Variants in ADRA1B observed in about 807,000 individuals in gnomAD.
ADRA1B encodes adrenoceptor alpha 1B.
In ADRA1B, 17 loss-of-function variants were observed where a neutral mutation model predicts 17.9. That is an observed-to-expected ratio of 0.95 (90% CI 0.65 to 1.42). The LOEUF (loss-of-function observed/expected upper bound fraction) is 1.42, where lower values mean the gene tolerates loss of function less well. Ranked by LOEUF, ADRA1B falls within the 40% of genes most tolerant of loss-of-function variation. ADRA1B has a pLI of 0.00. For synonymous variants in ADRA1B, 366 were observed against 327.6 expected (o/e 1.12, Z -1.27); for missense variants, 681 against 722.1 (o/e 0.94, Z 0.65).
At chr5:159,908,871 G>A (rs552006811) in intron 1 of ADRA1B, among the ~76,000 whole-genome samples, 24 of 152,228 alleles carry the variant, frequency 1.6e-4, no homozygotes, top group African/African-American at 5.5e-4. Flanking sequence ...GAAATATTTG[G>A]GGCCCTCCCA....
intron 1 of ADRA1B, among the ~76,000 whole-genome samples, chr5:159,873,162 AT>A (rs1753766882): frequency 6.6e-6 from 1 of 151,994 alleles, no homozygotes; most frequent in Non-Finnish European, 1.5e-5. Flanking sequence ...CATTTTCTTT[AT>A]CCAGTCTATC....
intron 1 of ADRA1B, among the ~76,000 whole-genome samples, chr5:159,953,558 G>T (rs1187016224): frequency 2.0e-5 from 3 of 152,206 alleles, no homozygotes; most frequent in Non-Finnish European, 4.4e-5. Flanking sequence ...GGAAGGGCCA[G>T]TAGCTCTGGG....
chr5:159,899,189 GA>G (rs1443784924), intron 1 of ADRA1B, among the ~76,000 whole-genome samples: 2 of 138,886 alleles, frequency 1.4e-5, no homozygotes, highest in Non-Finnish European at 3.1e-5. Flanking sequence ...AAAAAGAAAA[GA>G]AAAGAAAGAA....
At chr5:159,955,812 C>G (rs1051412264) in intron 1 of ADRA1B, among the ~76,000 whole-genome samples, 13 of 152,156 alleles carry the variant, frequency 8.5e-5, no homozygotes, top group Non-Finnish European at 1.6e-4. Context: ...GAAGCTGGAG[C>G]CCAGAAAGGC....
intron 1 of ADRA1B, among the ~76,000 whole-genome samples, chr5:159,943,322 C>T (rs1755184650): frequency 1.3e-5 from 2 of 151,974 alleles, no homozygotes; most frequent in Admixed American, 6.6e-5. Flanking sequence ...TATAAACTAC[C>T]TAACTATAAT....
the ADRA1B span, among the ~76,000 whole-genome samples, chr5:159,982,858 G>A: frequency 6.6e-6 from 1 of 152,162 alleles, no homozygotes; most frequent in Non-Finnish European, 1.5e-5. Context: ...ATGGGTGGGG[G>A]CAGAAATATG....
At chr5:159,892,973 T>G (rs1754002431) in intron 1 of ADRA1B, among the ~76,000 whole-genome samples, 1 of 152,234 alleles carries the variant, frequency 6.6e-6, no homozygotes, top group Non-Finnish European at 1.5e-5. Flanking sequence ...CATTCCTTTT[T>G]CTCCACAACC....
At chr5:159,889,153 G>A (rs1000656978) in intron 1 of ADRA1B, among the ~76,000 whole-genome samples, 1 of 152,294 alleles carries the variant, frequency 6.6e-6, no homozygotes. Flanking sequence ...AACCTACCAA[G>A]GGAGCCTGGG....
At chr5:159,954,623 G>A (rs1209702974) in intron 1 of ADRA1B, among the ~76,000 whole-genome samples, 3 of 152,158 alleles carry the variant, frequency 2.0e-5, no homozygotes, top group African/African-American at 4.8e-5. Flanking sequence ...TGAGTCAGGA[G>A]AGGCCACAAG....
intron 1 of ADRA1B, among the ~76,000 whole-genome samples, chr5:159,931,165 G>A (rs899292579): frequency 8.6e-5 from 13 of 151,456 alleles, no homozygotes; most frequent in African/African-American, 2.7e-4. Context: ...TGAAGCAGGA[G>A]GATCACTTGA....
chr5:159,873,095 G>A (rs898955106), intron 1 of ADRA1B, among the ~76,000 whole-genome samples: 10 of 152,124 alleles, frequency 6.6e-5, no homozygotes, highest in Non-Finnish European at 1.2e-4. Context: ...TCCCTGCAAA[G>A]GACATGAATT....
In ADRA1B at chr5:159,972,105, G is replaced by A; in HGVS notation, c.1176G>A (p.Thr392=). ...GGCAYTYRPW[T]RGGSLERSQS... ...GCGCCTACACCTACCGGCCGTGGAC[G>A]CGCGGCGGCTCGCTGGAGCGCTCGC... The change falls in exon 2 of 2, where the codon ACG becomes ACA. Residue 392 remains threonine (T), a synonymous_variant. Coordinates refer to ENST00000306675, the MANE Select transcript of ADRA1B (RefSeq NM_000679.4). 7.7e-7 allele frequency: 1 copy of A among 1,294,704 alleles called. No homozygotes were observed. Among genetic ancestry groups the A allele is most frequent in the Non-Finnish European group, 9.8e-7 (1 of 1,015,284 alleles). 80.2% of individuals were successfully genotyped at this position (1,294,704 alleles called of 1,614,324 possible). A position where few individuals can be genotyped will look rare whatever the true frequency, so the allele number is the denominator to read the frequency against.
chr5:159,981,557 G>A, the ADRA1B span, among the ~76,000 whole-genome samples: 11 of 152,160 alleles, frequency 7.2e-5, no homozygotes, highest in East Asian at 5.8e-4. Context: ...GTGCAGTGAC[G>A]CGATCTCGGC....
intron 1 of ADRA1B, among the ~76,000 whole-genome samples, chr5:159,957,470 G>A (rs1430241492): frequency 6.2e-5 from 9 of 145,822 alleles, no homozygotes; most frequent in East Asian, 4.0e-4. Context: ...ATGCAACTGC[G>A]CTCCAATCTG....
chr5:159,873,222 G>A (rs1202862225), intron 1 of ADRA1B, among the ~76,000 whole-genome samples: 1 of 152,156 alleles, frequency 6.6e-6, no homozygotes, highest in Admixed American at 6.5e-5. Context: ...TGTAAATAGT[G>A]CTGCAATAAA....
the ADRA1B span, among the ~76,000 whole-genome samples, chr5:159,981,204 G>A: frequency 2.0e-5 from 3 of 152,166 alleles, no homozygotes; most frequent in Non-Finnish European, 2.9e-5. Context: ...CGGCACTATT[G>A]AAATTTTGAT....
At chr5:159,904,365 C>G (rs1350235615) in intron 1 of ADRA1B, among the ~76,000 whole-genome samples, 5 of 152,192 alleles carry the variant, frequency 3.3e-5, no homozygotes, top group African/African-American at 9.7e-5. Context: ...GAAGGCACAG[C>G]ACATGAAAAA....
At chr5:159,923,136 G>T (rs575231145) in intron 1 of ADRA1B, among the ~76,000 whole-genome samples, 3 of 152,286 alleles carry the variant, frequency 2.0e-5, no homozygotes, top group Non-Finnish European at 2.9e-5. Context: ...AGAGCCCAGA[G>T]AATTAGAAGG....
In ADRA1B at chr5:159,972,722, G is replaced by C. The variant is rs1755906550; in HGVS notation, c.*230G>C. On this transcript the variant is annotated 3_prime_UTR_variant, in exon 2 of 2. Coordinates refer to ENST00000306675, the MANE Select transcript of ADRA1B (RefSeq NM_000679.4). ...CTGAGAGCCTGGGGGACCCGACGCC[G>C]CCGGGATTTACCTCTCTCTCTCCCT... 6.6e-6 allele frequency among the ~76,000 whole-genome samples: 1 copy of C among 152,158 alleles called. No homozygotes were observed. Among genetic ancestry groups the C allele is most frequent in the South Asian group, 2.1e-4 (1 of 4,834 alleles).
Sources: gnomAD v4.1 joint callset for allele counts (sites outside exome capture counted in the v4.1 genomes callset) on GRCh38, gnomAD v4.1.1 for gene constraint, MANE v1.5 for transcripts, NCBI Gene and HGNC (gene_info 2026-07-23, HGNC 2026-07-21) for gene names.